Variants in LYPLAL1 observed in about 807,000 individuals in gnomAD.
LYPLAL1 encodes the protein lysophospholipase-like protein 1.
A neutral mutation model predicts 19.7 loss-of-function variants in LYPLAL1; 23 were observed. That is an observed-to-expected ratio of 1.17 (90% CI 0.84 to 1.65). LYPLAL1 has a LOEUF of 1.65. Among genes scored for constraint, LYPLAL1 ranks in the 40% most tolerant of loss-of-function variants. LYPLAL1 has a pLI of 0.00. For synonymous variants in LYPLAL1, 119 were observed against 96.3 expected (o/e 1.24, Z -1.38); for missense variants, 355 against 279.4 (o/e 1.27, Z -1.93).
the LYPLAL1 span, among the ~76,000 whole-genome samples, chr1:219,416,073 TACTCCAC>T: frequency 1.3e-5 from 2 of 152,234 alleles, no homozygotes; most frequent in Non-Finnish European, 2.9e-5. Flanking sequence ...AGTTCCCATA[TACTCCAC>T]ACTCAATTTC....
the LYPLAL1 span, among the ~76,000 whole-genome samples, chr1:219,320,652 C>T: frequency 6.6e-6 from 1 of 152,146 alleles, no homozygotes; most frequent in South Asian, 2.1e-4. Context: ...CAAGTGTTCT[C>T]ATTGTTCAGT....
the LYPLAL1 span, among the ~76,000 whole-genome samples, chr1:219,406,752 A>G: frequency 4.6e-5 from 7 of 151,710 alleles, no homozygotes; most frequent in African/African-American, 1.7e-4. Context: ...TGTCAAGAAC[A>G]TAGCAGTTGT....
the LYPLAL1 span, among the ~76,000 whole-genome samples, chr1:219,226,467 A>C: frequency 6.6e-6 from 1 of 152,312 alleles, no homozygotes; most frequent in South Asian, 2.1e-4. Flanking sequence ...CATCGGTCAA[A>C]ATATTCTTCC....
chr1:219,198,273 T>C (rs937941995), intron 3 of LYPLAL1, among the ~76,000 whole-genome samples: 2 of 151,978 alleles, frequency 1.3e-5, no homozygotes, highest in African/African-American at 4.8e-5. Flanking sequence ...CAGTCAATTA[T>C]AGGCACCAAA....
chr1:219,256,635 T>G, the LYPLAL1 span, among the ~76,000 whole-genome samples: 1 of 152,006 alleles, frequency 6.6e-6, no homozygotes, highest in African/African-American at 2.4e-5. Flanking sequence ...CCTTCTTTAC[T>G]TATGTTGAAT....
At chr1:219,306,777 G>A in the LYPLAL1 span, among the ~76,000 whole-genome samples, 2 of 151,082 alleles carry the variant, frequency 1.3e-5, no homozygotes, top group South Asian at 4.2e-4. Context: ...TAGATAGATA[G>A]ATAGATAGAT....
chr1:219,210,534 G>T lies in LYPLAL1; in HGVS notation c.364G>T (p.Gly122Ter). The T allele has an allele frequency of 6.3e-7, 1 of 1,577,252 alleles. No homozygotes were observed. The highest frequency in any genetic ancestry group is 8.6e-7 in the Non-Finnish European group (1 of 1,159,178). The change falls in exon 4 of 5, where the codon GGA (glycine) becomes TGA (stop). Residue 122 changes from glycine (G) to a stop codon, truncating the protein, a stop_gained and splice_region_variant. Coordinates refer to ENST00000366928, the MANE Select transcript of LYPLAL1 (RefSeq NM_138794.5). LOFTEE classifies it high-confidence loss of function. The stretch of plus-strand genomic sequence containing the variant: ...TTTAAGTATGTTTTTGTTTTTAGGA[G>T]GATTCTCTATGGGAGGATGCATGGC... ...GIKKNRILIG[G>*]FSMGGCMAIH...
At chr1:219,220,762 A>G in the LYPLAL1 span, among the ~76,000 whole-genome samples, 13 of 152,276 alleles carry the variant, frequency 8.5e-5, no homozygotes, top group East Asian at 1.7e-3. Flanking sequence ...AAATCTGACT[A>G]CTAGCCCATT....
At chr1:219,404,542 C>G in the LYPLAL1 span, among the ~76,000 whole-genome samples, 1 of 152,248 alleles carries the variant, frequency 6.6e-6, no homozygotes, top group Non-Finnish European at 1.5e-5. Flanking sequence ...GTAAACTCCT[C>G]TGCAGTTTTG....
the LYPLAL1 span, among the ~76,000 whole-genome samples, chr1:219,320,348 A>G: frequency 6.6e-6 from 1 of 152,162 alleles, no homozygotes; most frequent in Admixed American, 6.5e-5. Context: ...TCCAGCCATA[A>G]TTCTTGTCCC....
the LYPLAL1 span, among the ~76,000 whole-genome samples, chr1:219,327,709 A>G: frequency 3.8e-3 from 576 of 152,300 alleles, 2 homozygotes; most frequent in Non-Finnish European, 5.8e-3. Context: ...CATGGGAGGT[A>G]ATTGAATAAT....
the LYPLAL1 span, among the ~76,000 whole-genome samples, chr1:219,432,728 G>A: frequency 6.6e-6 from 1 of 152,216 alleles, no homozygotes; most frequent in Non-Finnish European, 1.5e-5. Flanking sequence ...GTTTTAGGGA[G>A]TCCACGTTCA....
chr1:219,307,080 C>G, the LYPLAL1 span, among the ~76,000 whole-genome samples: 10 of 149,258 alleles, frequency 6.7e-5, no homozygotes, highest in South Asian at 2.1e-3. Flanking sequence ...CCTTATTTTT[C>G]TTATAGGATC....
At chr1:219,323,113 G>A in the LYPLAL1 span, among the ~76,000 whole-genome samples, 2 of 152,200 alleles carry the variant, frequency 1.3e-5, no homozygotes, top group African/African-American at 4.8e-5. Context: ...TGTATAAACA[G>A]CGGGACAACC....
chr1:219,213,255 G>T (rs766232413), downstream of LYPLAL1, among the ~76,000 whole-genome samples: 1 of 151,840 alleles, frequency 6.6e-6, no homozygotes, highest in East Asian at 1.9e-4. Flanking sequence ...CTGTTTCTGG[G>T]TTCTCTCTTC....
intron 3 of LYPLAL1, among the ~76,000 whole-genome samples, chr1:219,196,578 A>G (rs1558234261): frequency 6.6e-6 from 1 of 152,148 alleles, no homozygotes; most frequent in Non-Finnish European, 1.5e-5. Context: ...TCCCCTTGAA[A>G]TCCAGCTCAA....
chr1:219,299,460 G>GGT, the LYPLAL1 span, among the ~76,000 whole-genome samples: 1 of 152,166 alleles, frequency 6.6e-6, no homozygotes, highest in African/African-American at 2.4e-5. Context: ...AAGAGGTTTA[G>GGT]GTGTGGAGGA....
chr1:219,311,074 A>G, the LYPLAL1 span, among the ~76,000 whole-genome samples: 49,737 of 151,708 alleles, frequency 0.33, 8,817 homozygotes, highest in Non-Finnish European at 0.4. Flanking sequence ...CCCACCCTGT[A>G]GTCTTATTCA....
chr1:219,359,235 A>G, the LYPLAL1 span, among the ~76,000 whole-genome samples: 11 of 152,166 alleles, frequency 7.2e-5, no homozygotes, highest in Admixed American at 2.0e-4. Flanking sequence ...GTCACAGACC[A>G]TTTTAAAGCA....
Sources: allele counts gnomAD v4.1 joint callset (sites outside exome capture counted in the v4.1 genomes callset), GRCh38; gene constraint gnomAD v4.1.1; transcripts MANE v1.5; gene names NCBI Gene and HGNC (gene_info 2026-07-23, HGNC 2026-07-21).